Variants in MAF observed in about 807,000 individuals in gnomAD.
MAF encodes the protein MAF bZIP transcription factor.
A neutral mutation model predicts 22.0 loss-of-function variants in MAF; 10 were observed. That is an observed-to-expected ratio of 0.45 (90% confidence interval 0.28 to 0.77). The LOEUF (loss-of-function observed/expected upper bound fraction) is 0.77, where lower values mean the gene tolerates loss of function less well. MAF is among the 30% of genes least tolerant of loss of function. MAF has a pLI of 0.12. For missense variants in MAF, 544 were observed against 548.4 expected (o/e 0.99, Z 0.08); for synonymous variants, 337 against 255.8 (o/e 1.32, Z -3.03).
At chr16:79,408,706 C>T in the MAF span, among the ~76,000 whole-genome samples, 1 of 151,548 alleles carries the variant, frequency 6.6e-6, no homozygotes, top group Non-Finnish European at 1.5e-5. Flanking sequence ...ATCCCTTTCT[C>T]TCTCCTCCAC....
the MAF span, among the ~76,000 whole-genome samples, chr16:79,563,255 A>G: frequency 1.3e-5 from 2 of 152,322 alleles, no homozygotes; most frequent in East Asian, 1.9e-4. Context: ...GCATCGTCTC[A>G]TGTGACAGCC....
the MAF span, among the ~76,000 whole-genome samples, chr16:79,426,688 G>A: frequency 2.0e-5 from 3 of 152,312 alleles, no homozygotes; most frequent in African/African-American, 4.8e-5. Context: ...TTCCATCCTC[G>A]TGGTCACAGA....
chr16:79,298,914 G>A, the MAF span, among the ~76,000 whole-genome samples: 1 of 152,264 alleles, frequency 6.6e-6, no homozygotes, highest in African/African-American at 2.4e-5. Context: ...CTATAAGGCA[G>A]GTTGGGAAGC....
chr16:79,262,223 T>G, the MAF span, among the ~76,000 whole-genome samples: 3 of 152,192 alleles, frequency 2.0e-5, no homozygotes, highest in African/African-American at 7.2e-5. Context: ...TTTGGGGGAC[T>G]GAGCTCCTTA....
chr16:79,384,364 G>C, the MAF span, among the ~76,000 whole-genome samples: 2 of 149,248 alleles, frequency 1.3e-5, no homozygotes, highest in African/African-American at 2.5e-5. Context: ...AGAATCGCCT[G>C]AACCTGGGAG....
downstream of MAF, among the ~76,000 whole-genome samples, chr16:79,584,259 C>T (rs1424596225): frequency 1.3e-5 from 2 of 152,142 alleles, no homozygotes; most frequent in African/African-American, 4.8e-5. Flanking sequence ...TCAGTTTTGG[C>T]TTCCATGACT....
chr16:79,473,361 C>A, the MAF span, among the ~76,000 whole-genome samples: 3 of 152,178 alleles, frequency 2.0e-5, no homozygotes, highest in African/African-American at 7.2e-5. Context: ...AACTTCACTC[C>A]TTTTAACAAT....
the MAF span, among the ~76,000 whole-genome samples, chr16:79,263,668 T>A: frequency 6.6e-6 from 1 of 152,230 alleles, no homozygotes; most frequent in Admixed American, 6.5e-5. Context: ...CCTGTCATTC[T>A]GTGTTTGCAT....
chr16:79,414,828 G>A, the MAF span, among the ~76,000 whole-genome samples: 2 of 152,310 alleles, frequency 1.3e-5, no homozygotes, highest in African/African-American at 4.8e-5. Context: ...GCACATGCAC[G>A]TGATATCCAT....
chr16:79,492,650 T>G, the MAF span, among the ~76,000 whole-genome samples: 7 of 151,810 alleles, frequency 4.6e-5, no homozygotes, highest in African/African-American at 1.7e-4. Flanking sequence ...ATGAAAAGGT[T>G]AAGTAAATTG....
At chr16:79,563,149 A>G in the MAF span, among the ~76,000 whole-genome samples, 4 of 152,272 alleles carry the variant, frequency 2.6e-5, no homozygotes, top group South Asian at 4.1e-4. Context: ...CCCATAAAGC[A>G]CTGGACTTTC....
At chr16:79,327,386 G>A in the MAF span, among the ~76,000 whole-genome samples, 2 of 152,074 alleles carry the variant, frequency 1.3e-5, no homozygotes, top group African/African-American at 2.4e-5. Flanking sequence ...TTCTTAAAGC[G>A]CTTTTGCTCT....
At chr16:79,468,986 C>T in the MAF span, among the ~76,000 whole-genome samples, 1 of 152,114 alleles carries the variant, frequency 6.6e-6, no homozygotes, top group Non-Finnish European at 1.5e-5. Context: ...TGTTGTTTGA[C>T]AAGCAGATGT....
At chr16:79,575,072 G>C in the MAF span, among the ~76,000 whole-genome samples, 1 of 150,518 alleles carries the variant, frequency 6.6e-6, no homozygotes, top group Non-Finnish European at 1.5e-5. Context: ...GGCCACTAAA[G>C]GTTCTTGATT....
rs1299239669 is a variant in MAF, at chr16:79,598,603, T to TG, written c.1118+181dup. On this transcript the variant is annotated intron_variant, in intron 1 of 1. Coordinates refer to ENST00000326043, the MANE Select transcript of MAF (RefSeq NM_005360.5). Reference sequence around the variant, plus strand: ...TGGGGTGTGTGTGTGTGTGTGTGTGTGTGTGTGGTGTGTGCGTGCGGGTTT... The same window carrying TG: ...TGGGGTGTGTGTGTGTGTGTGTGTGTGGTGTGTGGTGTGTGCGTGCGGGTTT... 4.0e-6 allele frequency: 6 copies of TG among 1,485,696 alleles called. No homozygotes were observed. In the East Asian group the frequency reaches 1.5e-4, roughly 37 times the overall value. The allele number at this position is 1,485,696 out of a possible 1,614,324, so 92.0% of individuals were successfully genotyped here.
At chr16:79,583,143 G>T (rs1267750713), downstream of MAF, among the ~76,000 whole-genome samples, 1 of 152,176 alleles carries the variant, frequency 6.6e-6, no homozygotes, top group African/African-American at 2.4e-5. Flanking sequence ...AACCACATTT[G>T]CATTTTATTT....
the MAF span, among the ~76,000 whole-genome samples, chr16:79,363,619 T>G: frequency 6.6e-6 from 1 of 152,210 alleles, no homozygotes; most frequent in Admixed American, 6.5e-5. Flanking sequence ...TCAAACCATG[T>G]TAAGTCCAGA....
chr16:79,518,769 A>G, the MAF span, among the ~76,000 whole-genome samples: 1 of 152,222 alleles, frequency 6.6e-6, no homozygotes, highest in Non-Finnish European at 1.5e-5. Context: ...TACTAAAAAT[A>G]CAAAAATTAG....
At chr16:79,373,449 C>G in the MAF span, among the ~76,000 whole-genome samples, 1 of 130,742 alleles carries the variant, frequency 7.6e-6, no homozygotes, top group Non-Finnish European at 1.6e-5. Flanking sequence ...ATGGAGTGAT[C>G]TCAGCTCACT....
Sources: gnomAD v4.1 joint callset for allele counts (sites outside exome capture counted in the v4.1 genomes callset) on GRCh38, gnomAD v4.1.1 for gene constraint, MANE v1.5 for transcripts, NCBI Gene and HGNC (gene_info 2026-07-23, HGNC 2026-07-21) for gene names.